Variants in SCX observed in about 807,000 individuals in gnomAD.
The protein encoded by SCX is basic helix-loop-helix transcription factor scleraxis.
A neutral mutation model predicts 12.2 loss-of-function variants in SCX; 7 were observed. That is an observed-to-expected ratio of 0.57 (90% confidence interval 0.33 to 1.08). SCX has a LOEUF of 1.08. Among genes scored for constraint, SCX ranks in the 50% least tolerant of loss-of-function variants. The pLI is 0.04. For missense variants in SCX, 342 were observed against 337.2 expected (o/e 1.01, Z -0.11); for synonymous variants, 193 against 163.9 (o/e 1.18, Z -1.36).
At chr8:144,267,779 T>C (rs1845412397) in intron 1 of SCX, among the ~76,000 whole-genome samples, 1 of 152,172 alleles carries the variant, frequency 6.6e-6, no homozygotes, top group Admixed American at 6.5e-5. Flanking sequence ...CCAGCTGTGA[T>C]TTACAGCTCC....
intron 1 of SCX, 56 bp downstream of exon 1, chr8:144,267,236 A>G: frequency 6.8e-7 from 1 of 1,461,856 alleles, no homozygotes; most frequent in Non-Finnish European, 8.9e-7. Flanking sequence ...CTCAGCCCAC[A>G]CCTGCCAGGC....
chr8:144,268,299 C>A lies in SCX; in HGVS notation c.*157C>A. On this transcript the variant is annotated 3_prime_UTR_variant, in exon 2 of 2. Coordinates refer to ENST00000567180, the MANE Select transcript of SCX (RefSeq NM_001080514.3). ...GCTGCGAGCGGGGCCGAGGGACAGA[C>A]GGACGTACAGACAGGCGCCGGCAGC... The A allele has an allele frequency of 1.8e-6, 2 of 1,099,000 alleles. No homozygotes were observed. Among genetic ancestry groups the A allele is most frequent in the Non-Finnish European group, 1.3e-6 (1 of 771,054 alleles). 68.1% of individuals were successfully genotyped at this position (1,099,000 alleles called of 1,614,324 possible). A position where few individuals can be genotyped will look rare whatever the true frequency, so the allele number is the denominator to read the frequency against.
In SCX at chr8:144,266,667, G is replaced by C. The variant is rs1292322320; in HGVS notation, c.54G>C (p.Glu18Asp). ...CGCCGGGCCGCTACCTGTACCCCGAGGTGAGCCCGCTGTCGGAGGACGAGG... is the reference window on the plus strand; with the variant it reads ...CGCCGGGCCGCTACCTGTACCCCGACGTGAGCCCGCTGTCGGAGGACGAGG... ...PAPPGRYLYP[E>D]VSPLSEDEDR... Residue 18 changes from glutamate (E) to aspartate (D), a missense_variant, in exon 1 of 2, where the codon GAG becomes GAC. By Grantham distance (45) the Glu-to-Asp change is conservative. This residue lies in a region of SCX where 139 missense variants were observed against 107.8 expected (regional missense o/e 1.29). Transcript: ENST00000567180. The C allele has an allele frequency of 9.5e-6, 12 of 1,263,292 alleles. No individual in the cohort carries two copies. The highest frequency in any genetic ancestry group is 1.2e-5 in the Non-Finnish European group (12 of 984,970). 78.3% of individuals were successfully genotyped at this position (1,263,292 alleles called of 1,614,324 possible). A position where few individuals can be genotyped will look rare whatever the true frequency, so the allele number is the denominator to read the frequency against.
chr8:144,267,048 CG>C lies in SCX; in HGVS notation c.438del (p.Ala148ProfsTer42). 6.7e-7 allele frequency: 1 copy of C among 1,499,756 alleles called. No individual in the cohort carries two copies. Among genetic ancestry groups the C allele is most frequent in the Non-Finnish European group, 8.8e-7 (1 of 1,130,538 alleles). The allele number at this position is 1,499,756 out of a possible 1,614,324, so 92.9% of individuals were successfully genotyped here. ...ACGDGQPCHS[G>X]PAFFHAARAG... is the part of the protein sequence containing the mutation. ...GCGGCGACGGACAGCCCTGCCACTC[CG>C]GGCCCGCCTTCTTCCACGCGGCGCG... is the stretch of plus-strand genomic sequence containing the variant. On this transcript the variant is annotated frameshift_variant, in exon 1 of 2. Coordinates refer to ENST00000567180, the MANE Select transcript of SCX (RefSeq NM_001080514.3). LOFTEE classifies it high-confidence loss of function.
Position 144,266,695 on chromosome 8 carries a change from C to CGCGGCA in SCX, c.86_91dup (p.Gly29_Ser30dup), listed in dbSNP as rs1845376137. 15 of 1,232,464 alleles carry CGCGGCA rather than the reference C, an allele frequency of 1.2e-5. No homozygotes were observed. The highest frequency in any genetic ancestry group is 1.5e-5 in the Non-Finnish European group (15 of 968,102). 76.3% of individuals were successfully genotyped at this position (1,232,464 alleles called of 1,614,324 possible). ...GAGCCCGCTGTCGGAGGACGAGGAC[C>CGCGGCA]GCGGCAGCGACAGCTCGGGCTCCGA... On this transcript the variant is annotated inframe_insertion, in exon 1 of 2. Transcript: ENST00000567180.
Position 144,266,624 on chromosome 8 carries a change from C to A in SCX, c.11C>A (p.Ala4Asp). 8.2e-7 allele frequency: 1 copy of A among 1,219,736 alleles called. No homozygotes were observed. Among genetic ancestry groups the A allele is most frequent in the Non-Finnish European group, 1.0e-6 (1 of 960,208 alleles). 75.6% of individuals were successfully genotyped at this position (1,219,736 alleles called of 1,614,324 possible). The change falls in exon 1 of 2, where the codon GCC becomes GAC. Residue 4 changes from alanine (A) to aspartate (D), a missense_variant. By Grantham distance (126) the Ala-to-Asp change is moderately radical. Around this residue, in one of 3 missense-constraint regions of SCX, gnomAD observed 139 missense variants for 107.8 expected, o/e 1.29. Coordinates refer to ENST00000567180, the MANE Select transcript of SCX (RefSeq NM_001080514.3). The stretch of plus-strand genomic sequence containing the variant: ...GCCCCCGCCGGCCCCATGTCCTTCG[C>A]CACGCTGCGCCCGGCGCCGCCGGGC... The part of the protein sequence containing the change: MSF[A>D]TLRPAPPGRY...
intron 1 of SCX, 27 bp from the exon 2 acceptor site, chr8:144,268,077 C>A (rs1845420091): frequency 1.9e-6 from 3 of 1,549,848 alleles, no homozygotes; most frequent in South Asian, 1.2e-5. Context: ...TCTGCCGGGG[C>A]CTGACACTCC....
chr8:144,268,282 C>A lies in SCX; in HGVS notation c.*140C>A. On this transcript the variant is annotated 3_prime_UTR_variant, in exon 2 of 2. Transcript: ENST00000567180. ...CCCCCAGGCCAGCCCTGGCTGCGAG[C>A]GGGGCCGAGGGACAGACGGACGTAC... The A allele has an allele frequency of 7.8e-7, 1 of 1,287,908 alleles. No homozygotes were observed. Among genetic ancestry groups the A allele is most frequent in the Non-Finnish European group, 1.1e-6 (1 of 930,492 alleles). The allele number at this position is 1,287,908 out of a possible 1,614,324, so 79.8% of individuals were successfully genotyped here.
chr8:144,267,302 C>G, intron 1 of SCX, 122 bp downstream of exon 1: 4 of 1,210,504 alleles, frequency 3.3e-6, no homozygotes, highest in South Asian at 4.4e-5. Context: ...GCAGGCACAC[C>G]TGTAACACAG....
intron 1 of SCX, among the ~76,000 whole-genome samples, chr8:144,267,401 C>T (rs1259637597): frequency 6.6e-6 from 1 of 152,156 alleles, no homozygotes; most frequent in Non-Finnish European, 1.5e-5. Context: ...GAGTCCCCTG[C>T]AGGGAGCTGC....
chr8:144,267,661 G>A (rs1196956306), intron 1 of SCX, among the ~76,000 whole-genome samples: 2 of 152,174 alleles, frequency 1.3e-5, no homozygotes, highest in East Asian at 1.9e-4. Context: ...CGCACACCAA[G>A]ACACCAGGTC....
chr8:144,268,021 A>G, intron 1 of SCX, 83 bp from the exon 2 acceptor site: 3 of 1,540,150 alleles, frequency 1.9e-6, no homozygotes, highest in Admixed American at 2.0e-5. Context: ...GCCACCTGAG[A>G]TGGCACCCAG....
chr8:144,268,143 G>A lies in SCX; in HGVS notation c.*1G>A. The A allele has an allele frequency of 6.4e-7, 1 of 1,551,272 alleles. No homozygotes were observed. The highest frequency in any genetic ancestry group is 8.7e-7 in the Non-Finnish European group (1 of 1,147,366). On this transcript the variant is annotated 3_prime_UTR_variant, in exon 2 of 2. Coordinates refer to ENST00000567180, the MANE Select transcript of SCX (RefSeq NM_001080514.3). ...CAGAAAGACAGCGATTCGCAGTTAGGAGGTGGCCGGCAGCAGCCAGGAGGC... is the reference window on the plus strand; with the variant it reads ...CAGAAAGACAGCGATTCGCAGTTAGAAGGTGGCCGGCAGCAGCCAGGAGGC...
rs1194446517 is a variant in SCX at position 144,267,122 on chromosome 8, G to A, written c.509G>A (p.Gly170Asp). 4 of 1,486,210 alleles carry A rather than the reference G, an allele frequency of 2.7e-6. No individual in the cohort carries two copies. Among genetic ancestry groups the A allele is most frequent in the Admixed American group, 2.3e-5 (1 of 43,740 alleles). 92.1% of individuals were successfully genotyped at this position (1,486,210 alleles called of 1,614,324 possible). ...CCCCCGCCGCCTCCCGCCCGCGACG[G>A]CGAGAACACCCAGCCCAAACAGATC... ...PPPPPPPARDGENTQPKQICT... is the reference protein window; with the variant it reads ...PPPPPPPARDDENTQPKQICT... Residue 170 changes from glycine to aspartate, a missense_variant, in exon 1 of 2, where the codon GGC becomes GAC. Gly to Asp is a moderately conservative substitution (Grantham distance 94). Coordinates refer to ENST00000567180, the MANE Select transcript of SCX (RefSeq NM_001080514.3).
At chr8:144,267,210 G>A in intron 1 of SCX, 30 bp downstream of exon 1, 3 of 1,489,384 alleles carry the variant, frequency 2.0e-6, no homozygotes, top group South Asian at 1.3e-5. Context: ...CGCCGAGGGG[G>A]GCCTCCAACG....
rs1459332065 is a variant in SCX, at chr8:144,267,126, G to T, written c.513G>T (p.Glu171Asp). ...CGCCGCCTCCCGCCCGCGACGGCGAGAACACCCAGCCCAAACAGATCTGCA... is the reference window on the plus strand; with the variant it reads ...CGCCGCCTCCCGCCCGCGACGGCGATAACACCCAGCCCAAACAGATCTGCA... ...PPPPPPARDGENTQPKQICTF... is the reference protein window; with the variant it reads ...PPPPPPARDGDNTQPKQICTF... The change falls in exon 1 of 2, where the codon GAG (glutamate) becomes GAT (aspartate). Residue 171 changes from glutamate to aspartate, a missense_variant. Glu to Asp is a conservative substitution (Grantham distance 45, BLOSUM62 2). Coordinates refer to ENST00000567180, the MANE Select transcript of SCX (RefSeq NM_001080514.3). 10 of 1,491,710 alleles carry T rather than the reference G, an allele frequency of 6.7e-6. No individual in the cohort carries two copies. Among genetic ancestry groups the T allele is most frequent in the Non-Finnish European group, 7.1e-6 (8 of 1,130,384 alleles). The allele number at this position is 1,491,710 out of a possible 1,614,324, so 92.4% of individuals were successfully genotyped here. A position where few individuals can be genotyped will look rare whatever the true frequency, so the allele number is the denominator to read the frequency against.
rs1217961385 is a variant in SCX, at chr8:144,267,997, G to A, written c.568-107G>A. 1.3e-5 allele frequency: 19 copies of A among 1,509,406 alleles called. No individual in the cohort carries two copies. The East Asian group carries it at 4.2e-4, about 33-fold the overall frequency. 93.5% of individuals were successfully genotyped at this position (1,509,406 alleles called of 1,614,324 possible). Reference sequence around the variant, plus strand: ...GAAGCTGGGGAGAGCCGGGAAGGAGGTGCCTTGGCGCTGGCCACCTGAGAT... The same window carrying A: ...GAAGCTGGGGAGAGCCGGGAAGGAGATGCCTTGGCGCTGGCCACCTGAGAT... On this transcript the variant is annotated intron_variant, in intron 1 of 1. Coordinates refer to ENST00000567180, the MANE Select transcript of SCX (RefSeq NM_001080514.3).
Position 144,266,701 on chromosome 8 carries a change from A to G in SCX, c.88A>G (p.Ser30Gly). The stretch of plus-strand genomic sequence containing the variant: ...GCTGTCGGAGGACGAGGACCGCGGC[A>G]GCGACAGCTCGGGCTCCGACGAGAA... ...SPLSEDEDRG[S>G]DSSGSDEKPC... Residue 30 changes from serine (S) to glycine (G), a missense_variant, in exon 1 of 2, where the codon AGC becomes GGC. Physicochemically the swap from Ser to Gly is moderately conservative, Grantham distance 56. Transcript: ENST00000567180. 1 of 1,222,970 alleles carries G rather than the reference A, an allele frequency of 8.2e-7. No individual in the cohort carries two copies. The highest frequency in any genetic ancestry group is 1.0e-6 in the Non-Finnish European group (1 of 962,408). 75.8% of individuals were successfully genotyped at this position (1,222,970 alleles called of 1,614,324 possible).
Position 144,266,611 on chromosome 8 carries a change from C to A in SCX, c.-3C>A. On this transcript the variant is annotated 5_prime_UTR_variant, in exon 1 of 2. Coordinates refer to ENST00000567180, the MANE Select transcript of SCX (RefSeq NM_001080514.3). ...GAGCTGACGCCGCGCCCCCGCCGGC[C>A]CCATGTCCTTCGCCACGCTGCGCCC... 8.4e-7 allele frequency: 1 copy of A among 1,195,156 alleles called. No individual in the cohort carries two copies. The highest frequency in any genetic ancestry group is 1.6e-5 in the South Asian group (1 of 63,672). 74.0% of individuals were successfully genotyped at this position (1,195,156 alleles called of 1,614,324 possible). A position where few individuals can be genotyped will look rare whatever the true frequency, so the allele number is the denominator to read the frequency against.
Sources: gnomAD v4.1 joint callset for allele counts (sites outside exome capture counted in the v4.1 genomes callset) on GRCh38, gnomAD v4.1.1 for gene constraint, gnomAD v4.1.1 regional missense constraint, MANE v1.5 for transcripts, NCBI Gene and HGNC (gene_info 2026-07-23, HGNC 2026-07-21) for gene names.